The following MTMR14 variants were observed in gnomAD, a reference collection of about 807,000 sequenced individuals.
The protein encoded by MTMR14 is phosphatidylinositol-3,5-bisphosphate 3-phosphatase MTMR14.
In MTMR14, 48 loss-of-function variants were observed where a neutral mutation model predicts 86.3. That is an observed-to-expected ratio of 0.56 (90% confidence interval 0.44 to 0.71). The LOEUF is 0.71. Among genes scored for constraint, MTMR14 ranks in the 30% least tolerant of loss-of-function variants. MTMR14 has a pLI of 0.00. For missense variants in MTMR14, 780 were observed against 834.6 expected, an observed-to-expected ratio of 0.93 and a Z score of 0.81; for synonymous variants, 366 against 326.1, an observed-to-expected ratio of 1.12 and a Z score of -1.32.
At chr3:9,650,744 C>T (rs979967711) in intron 1 of MTMR14, among the ~76,000 whole-genome samples, 2 of 151,198 alleles carry the variant, frequency 1.3e-5, no homozygotes, top group African/African-American at 4.9e-5. Context: ...CCACCCAGTC[C>T]TACCAAGTCA....
At chr3:9,692,401 G>C (rs1367150301) in intron 17 of MTMR14, among the ~76,000 whole-genome samples, 1 of 152,250 alleles carries the variant, frequency 6.6e-6, no homozygotes, top group Admixed American at 6.5e-5. Context: ...GGCAAGCCCA[G>C]TGGTTTTTAA....
At position 9,677,236 on chromosome 3, in the gene MTMR14, G is replaced by A; in HGVS notation, c.752-81G>A. 7.6e-7 allele frequency: 1 copy of A among 1,308,808 alleles called. No individual in the cohort carries two copies. 81.1% of individuals were successfully genotyped at this position (1,308,808 alleles called of 1,614,324 possible). On this transcript the variant is annotated intron_variant, in intron 7 of 18. Coordinates refer to ENST00000296003, the MANE Select transcript of MTMR14 (RefSeq NM_001077525.3). This position sits in a 1 kb window ranked among gnomAD's most constrained non-coding sequence, Gnocchi z 4.2. ...GGCGGCCCCCTCTCCACAGCACTCA[G>A]GGACCTGGGTCTGGCCAGGGCTGTC...
intron 18 of MTMR14, chr3:9,700,928 C>G (rs1045316582): frequency 6.6e-6 from 1 of 152,084 alleles, no homozygotes; most frequent in Non-Finnish European, 1.5e-5. Flanking sequence ...AGTGATTCTC[C>G]TGCCTTCAGC....
rs966007697 is a variant in MTMR14, at chr3:9,701,302, C to T, written c.1770-488C>T. The T allele has an allele frequency of 5.1e-6, 1 of 195,514 alleles. No individual in the cohort carries two copies. The highest frequency in any genetic ancestry group is 9.5e-5 in the South Asian group (1 of 10,576). The allele number at this position is 195,514 out of a possible 1,614,324, so 12.1% of individuals were successfully genotyped here. ...AGGTCAGGCCAGGCACAGTTGCTCA[C>T]GCCTGTAATCCCAGTACTGTGGGAC... On this transcript the variant is annotated intron_variant, in intron 18 of 18. Coordinates refer to ENST00000296003, the MANE Select transcript of MTMR14 (RefSeq NM_001077525.3). This position sits in a 1 kb window ranked among gnomAD's most constrained non-coding sequence, Gnocchi z 4.2.
In MTMR14 at chr3:9,669,471, CGGA is replaced by C. The variant is rs1357199101; in HGVS notation, c.540_542del (p.Glu180del). ...GCCTGGGCAGATGTGGAGGACGTCA[CGGA>C]GGAGGACTGTGCTCTTCGGTCAGTG... On this transcript the variant is annotated inframe_deletion, in exon 5 of 19. Transcript: ENST00000296003. 1.3e-5 allele frequency: 21 copies of C among 1,613,432 alleles called. No homozygotes were observed. Among genetic ancestry groups the C allele is most frequent in the Non-Finnish European group, 1.8e-5 (21 of 1,179,682 alleles).
At chr3:9,687,042 A>G (rs2075982603) in intron 13 of MTMR14, among the ~76,000 whole-genome samples, 1 of 152,216 alleles carries the variant, frequency 6.6e-6, no homozygotes, top group African/African-American at 2.4e-5. Flanking sequence ...CTGAACCAGT[A>G]TTTTGGGATG....
intron 17 of MTMR14, among the ~76,000 whole-genome samples, chr3:9,697,296 A>G (rs1484524695): frequency 2.0e-5 from 3 of 152,160 alleles, no homozygotes; most frequent in African/African-American, 7.2e-5. Flanking sequence ...GCAAATCTGC[A>G]TGCCAGCAAG....
intron 9 of MTMR14, among the ~76,000 whole-genome samples, chr3:9,678,839 A>G (rs2075666486): frequency 6.6e-6 from 1 of 152,164 alleles, no homozygotes; most frequent in African/African-American, 2.4e-5. Flanking sequence ...TGATTTAGAG[A>G]TCTGCTTCCC....
At chr3:9,662,789 T>A (rs538140552) in intron 3 of MTMR14, among the ~76,000 whole-genome samples, 1 of 152,370 alleles carries the variant, frequency 6.6e-6, no homozygotes, top group Admixed American at 6.5e-5. Context: ...TTGTATATTA[T>A]GTGCCAGACA....
chr3:9,672,614 C>T, intron 6 of MTMR14, 71 bp from the exon 7 acceptor site: 2 of 1,318,364 alleles, frequency 1.5e-6, no homozygotes, highest in Non-Finnish European at 1.1e-6. Context: ...GATTATAACC[C>T]TTATTTGGGG....
intron 2 of MTMR14, among the ~76,000 whole-genome samples, chr3:9,660,061 G>T (rs943943251): frequency 6.6e-6 from 1 of 152,218 alleles, no homozygotes; most frequent in Non-Finnish European, 1.5e-5. Context: ...CCAAGTAAGT[G>T]GGAGGAAGGC....
rs773190886 is a variant in MTMR14, at chr3:9,678,026, C to T, written c.865C>T (p.His289Tyr). The T allele has an allele frequency of 1.2e-5, 19 of 1,614,110 alleles. No homozygotes were observed. Among genetic ancestry groups the T allele is most frequent in the Non-Finnish European group, 1.4e-5 (17 of 1,180,012 alleles). ...APLSIPDFLT[H>Y]SLNIDWSQYQ... is the part of the protein sequence containing the mutation. ...ATTGAGCATCCCCGACTTCCTGACT[C>T]ACTCTCTGAACATTGACTGGAGCCA... Residue 289 changes from histidine to tyrosine, a missense_variant, in exon 9 of 19, where the codon CAC becomes TAC. Coordinates refer to ENST00000296003, the MANE Select transcript of MTMR14 (RefSeq NM_001077525.3).
rs1377274082 is a variant in MTMR14 at position 9,662,382 on chromosome 3, C to T, written c.417+7C>T. ...AATCCTGTTCAAGGGCAAGGTAAGG[C>T]CCATACCATAGCTTCATGCTCCACG... On this transcript the variant is annotated splice_region_variant and intron_variant, in intron 3 of 18. Transcript: ENST00000296003. The T allele has an allele frequency of 3.7e-6, 6 of 1,606,226 alleles. No individual in the cohort carries two copies. The highest frequency in any genetic ancestry group is 5.1e-6 in the Non-Finnish European group (6 of 1,173,448).
At position 9,653,684 on chromosome 3, in the gene MTMR14, C is replaced by T. The variant is rs2047439746; in HGVS notation, c.223C>T (p.Pro75Ser). ...FGRDYCFSVI[P>S]NTNGDICGHY... ...CCGAGACTACTGTTTCAGCGTGATT[C>T]CAAACACGAATGGGGATATCTGTGG... The change falls in exon 2 of 19, where the codon CCA becomes TCA. Residue 75 changes from proline (P) to serine (S), a missense_variant. Transcript: ENST00000296003. The T allele has an allele frequency of 6.2e-7, 1 of 1,614,018 alleles. No individual in the cohort carries two copies. Among genetic ancestry groups the T allele is most frequent in the Non-Finnish European group, 8.5e-7 (1 of 1,180,040 alleles).
At position 9,659,630 on chromosome 3, in the gene MTMR14, G is replaced by C. The variant is rs138559147; in HGVS notation, c.309-2637G>C. ...GTCTAATTTTTGTAGTTTTAGTATA[G>C]ACGGGGTTTCACCATGTTGGCCAGG... On this transcript the variant is annotated intron_variant, in intron 2 of 18. Transcript: ENST00000296003. The C allele has an allele frequency of 1.7e-3, 750 of 450,406 alleles. 9 individuals are homozygous for C. The East Asian group carries it at 0.02, about 12-fold the overall frequency. 27.9% of individuals were successfully genotyped at this position (450,406 alleles called of 1,614,324 possible). A position where few individuals can be genotyped will look rare whatever the true frequency, so the allele number is the denominator to read the frequency against.
chr3:9,688,291 C>T (rs185570967), intron 14 of MTMR14, among the ~76,000 whole-genome samples: 10 of 152,302 alleles, frequency 6.6e-5, no homozygotes, highest in African/African-American at 2.4e-4. Context: ...CACTGCAGCC[C>T]CCTACAAAAG....
rs4021721 is a variant in MTMR14 at position 9,663,501 on chromosome 3, C to CTTTTTTTTTTTT, written c.417+1141_417+1152dup. Among the ~76,000 whole-genome samples, 25 of 69,968 alleles carry CTTTTTTTTTTTT rather than the reference C, an allele frequency of 3.6e-4. 3 individuals carry two copies. Among genetic ancestry groups the CTTTTTTTTTTTT allele is most frequent in the Admixed American group, 9.7e-4 (5 of 5,164 alleles). The allele number at this position is 69,968 out of a possible 152,430, so 45.9% of individuals were successfully genotyped here. A position where few individuals can be genotyped will look rare whatever the true frequency, so the allele number is the denominator to read the frequency against. ...TTTTTTTTTGAGATGGAGTCTCTCT[C>CTTTTTTTTTTTT]TTTTTTTTTTTTTTTTTTTTTTTTT... On this transcript the variant is annotated intron_variant, in intron 3 of 18. Transcript: ENST00000296003.
Position 9,668,762 on chromosome 3 carries a change from A to G in MTMR14, c.461A>G (p.Tyr154Cys). The change falls in exon 4 of 19, where the codon TAT (tyrosine) becomes TGT (cysteine). Residue 154 changes from tyrosine (Y) to cysteine (C), a missense_variant. By Grantham distance (194) the Tyr-to-Cys change is radical. Transcript: ENST00000296003. Reference sequence around the variant, plus strand: ...ACACTGGCTGGATGGGGAGAGCTGTATGGACGCTCAGGCTACAACTATTTT... The same window carrying G: ...ACACTGGCTGGATGGGGAGAGCTGTGTGGACGCTCAGGCTACAACTATTTT... ...SATLAGWGEL[Y>C]GRSGYNYFFS... 1 of 1,614,198 alleles carries G rather than the reference A, an allele frequency of 6.2e-7. No individual in the cohort carries two copies. The highest frequency in any genetic ancestry group is 1.1e-5 in the South Asian group (1 of 91,080).
chr3:9,653,841 T>C, intron 2 of MTMR14, 72 bp downstream of exon 2: 1 of 1,595,044 alleles, frequency 6.3e-7, no homozygotes, highest in Non-Finnish European at 8.6e-7. Context: ...CCAGGAAGTC[T>C]GTAGCTGGGC....
Sources: allele counts gnomAD v4.1 joint callset (sites outside exome capture counted in the v4.1 genomes callset), GRCh38; gene constraint gnomAD v4.1.1; non-coding constraint Gnocchi (gnomAD v3.1); transcripts MANE v1.5; gene names NCBI Gene and HGNC (gene_info 2026-07-23, HGNC 2026-07-21).